The following NDUFAF7 variants were observed in gnomAD, a reference collection of about 807,000 sequenced individuals.
NDUFAF7 encodes protein arginine methyltransferase NDUFAF7, mitochondrial.
NDUFAF7 carries 48 observed loss-of-function variants against 47.2 expected under a neutral mutation model. That is an observed-to-expected ratio of 1.02 (90% CI 0.81 to 1.29). The LOEUF (loss-of-function observed/expected upper bound fraction) is 1.29. Among genes scored for constraint, NDUFAF7 ranks in the 50% most tolerant of loss-of-function variants. The probability of loss-of-function intolerance (pLI) is 0.00; values close to 1 mark genes in which losing one functional copy is unlikely to be tolerated. For missense variants in NDUFAF7, 635 were observed against 537.6 expected, an observed-to-expected ratio of 1.18 and a Z score of -1.79; for synonymous variants, 217 against 190.0, an observed-to-expected ratio of 1.14 and a Z score of -1.17.
At chr2:37,234,721 A>G (rs549101936) in intron 2 of NDUFAF7, among the ~76,000 whole-genome samples, 2 of 152,204 alleles carry the variant, frequency 1.3e-5, no homozygotes, top group East Asian at 3.9e-4. Context: ...GGACAGCTAA[A>G]AGGACTCAGG....
At chr2:37,259,792 G>C in the NDUFAF7 span, 5 of 721,760 alleles carry the variant, frequency 6.9e-6, no homozygotes, top group Admixed American at 2.6e-5. Flanking sequence ...TCAAGACTTA[G>C]CTAAAAGTGT....
chr2:37,254,507 G>T (rs904700515), downstream of NDUFAF7, among the ~76,000 whole-genome samples: 2 of 152,172 alleles, frequency 1.3e-5, no homozygotes, highest in African/African-American at 4.8e-5. Context: ...AGGCAGTATA[G>T]AGTACAGGTT....
chr2:37,267,128 T>G, the NDUFAF7 span, among the ~76,000 whole-genome samples: 6 of 152,218 alleles, frequency 3.9e-5, no homozygotes, highest in Non-Finnish European at 7.3e-5. Flanking sequence ...ATGACAAGCA[T>G]GTCACCTGTG....
downstream of NDUFAF7, chr2:37,256,654 TTTTTTACC>T: frequency 1.2e-5 from 16 of 1,377,212 alleles, no homozygotes; most frequent in South Asian, 6.7e-5. Flanking sequence ...TTTTTTTTTT[TTTTTTACC>T]TTCACCAGAA....
intron 4 of NDUFAF7, 134 bp downstream of exon 4, chr2:37,238,001 A>G: frequency 2.8e-6 from 2 of 727,240 alleles, no homozygotes; most frequent in Non-Finnish European, 4.8e-6. Context: ...ATGTCAGAAT[A>G]ATGTAATCAG....
At chr2:37,236,730 A>C (rs1240520690) in intron 3 of NDUFAF7, among the ~76,000 whole-genome samples, 1 of 151,350 alleles carries the variant, frequency 6.6e-6, no homozygotes, top group African/African-American at 2.4e-5. Flanking sequence ...GCAGTGAGCC[A>C]AGATGGCGCC....
At chr2:37,231,922 C>A (rs1665181684) in intron 1 of NDUFAF7, 162 bp downstream of exon 1, 1 of 1,591,896 alleles carries the variant, frequency 6.3e-7, no homozygotes, top group Non-Finnish European at 8.5e-7. Context: ...CGCAATAGGG[C>A]TGCGTAGTCG....
At chr2:37,255,818 C>T (rs1179492994), downstream of NDUFAF7, among the ~76,000 whole-genome samples, 1 of 152,078 alleles carries the variant, frequency 6.6e-6, no homozygotes, top group African/African-American at 2.4e-5. Context: ...CCAGCCTGGG[C>T]AACATAGTGG....
chr2:37,257,743 T>G (rs193246192), downstream of NDUFAF7, among the ~76,000 whole-genome samples: 1 of 151,754 alleles, frequency 6.6e-6, no homozygotes, highest in African/African-American at 2.4e-5. Context: ...CTAGAATCTC[T>G]TTTCCTAAGG....
At chr2:37,262,361 A>G in the NDUFAF7 span, among the ~76,000 whole-genome samples, 1 of 152,338 alleles carries the variant, frequency 6.6e-6, no homozygotes, top group Admixed American at 6.5e-5. Flanking sequence ...TCTCTGAGGC[A>G]CAGATTGTTT....
downstream of NDUFAF7, chr2:37,256,627 A>AT (rs1385820838): frequency 2.8e-4 from 350 of 1,247,310 alleles, 2 homozygotes; most frequent in African/African-American, 6.9e-3. Context: ...ACATAGCCAA[A>AT]ATTTTTTTTT....
In NDUFAF7 at chr2:37,242,692, A is replaced by G; in HGVS notation, c.680A>G (p.Gln227Arg). ...FFDVLPVHKFQKTPQGWREVF... is the reference protein window; with the variant it reads ...FFDVLPVHKFRKTPQGWREVF... ...GATGTTCTTCCTGTGCATAAATTTC[A>G]GGTATTGAGGGGGGAAAAAAGTCAT... Residue 227 changes from glutamine (Q) to arginine (R), a missense_variant and splice_region_variant, in exon 6 of 10, where the codon CAG (glutamine) becomes CGG (arginine). Gln to Arg is a conservative substitution (Grantham distance 43). Coordinates refer to ENST00000002125, the MANE Select transcript of NDUFAF7 (RefSeq NM_144736.5). 1 of 1,594,910 alleles carries G rather than the reference A, an allele frequency of 6.3e-7. No homozygotes were observed. Among genetic ancestry groups the G allele is most frequent in the Non-Finnish European group, 8.6e-7 (1 of 1,162,882 alleles).
the NDUFAF7 span, chr2:37,269,378 AAG>A: frequency 2.0e-6 from 1 of 505,912 alleles, no homozygotes; most frequent in East Asian, 3.5e-5. Flanking sequence ...GAGCTACAAG[AAG>A]AGATAAAACA....
At chr2:37,246,270 C>T in intron 8 of NDUFAF7, 75 bp downstream of exon 8, 1 of 1,491,842 alleles carries the variant, frequency 6.7e-7, no homozygotes. Flanking sequence ...GCTTTGATTT[C>T]TACAGTGCCT....
At chr2:37,231,908 C>G in intron 1 of NDUFAF7, 148 bp downstream of exon 1, 1 of 1,588,014 alleles carries the variant, frequency 6.3e-7, no homozygotes, top group African/African-American at 1.3e-5. Flanking sequence ...GGGTCCGGTA[C>G]AAACGCAATA....
In NDUFAF7 at chr2:37,248,546, A is replaced by G; in HGVS notation, c.*196A>G. On this transcript the variant is annotated 3_prime_UTR_variant, in exon 10 of 10. Transcript: ENST00000002125. ...TGGCTTTGGTGCAAATGTGTGCTCA[A>G]GCTAATAAGTTATTGTGAAACTGAG... 1 of 608,988 alleles carries G rather than the reference A, an allele frequency of 1.6e-6. No individual in the cohort carries two copies. Among genetic ancestry groups the G allele is most frequent in the Non-Finnish European group, 2.9e-6 (1 of 343,208 alleles). The allele number at this position is 608,988 out of a possible 1,614,324, so 37.7% of individuals were successfully genotyped here.
chr2:37,233,018 C>T (rs1412696266), intron 2 of NDUFAF7, among the ~76,000 whole-genome samples: 4 of 152,224 alleles, frequency 2.6e-5, no homozygotes, highest in Non-Finnish European at 4.4e-5. Flanking sequence ...ATCTTTCTTT[C>T]GATGCCGGTT....
chr2:37,256,999 A>G, downstream of NDUFAF7: 1 of 1,493,688 alleles, frequency 6.7e-7, no homozygotes, highest in Non-Finnish European at 9.2e-7. Context: ...CCCTAAATAT[A>G]ACACTGTATG....
Position 37,247,594 on chromosome 2 carries a change from T to G in NDUFAF7, c.1075T>G (p.Phe359Val). The change falls in exon 9 of 10, where the codon TTT becomes GTT. Residue 359 changes from phenylalanine (F) to valine (V), a missense_variant. Phe to Val is a conservative substitution (Grantham distance 50, BLOSUM62 -1). Coordinates refer to ENST00000002125, the MANE Select transcript of NDUFAF7 (RefSeq NM_144736.5). ...TCTGGGCCCAATAAAACAACACACA[T>G]TTTTAAAAAATATGGGTATTGATGT... Reference protein sequence around the residue: ...ASLGPIKQHTFLKNMGIDVRL... With the variant: ...ASLGPIKQHTVLKNMGIDVRL... 1.9e-6 allele frequency: 3 copies of G among 1,614,026 alleles called. No homozygotes were observed. The highest frequency in any genetic ancestry group is 2.5e-6 in the Non-Finnish European group (3 of 1,179,946).
Sources: gnomAD v4.1 joint callset for allele counts (sites outside exome capture counted in the v4.1 genomes callset) on GRCh38, gnomAD v4.1.1 for gene constraint, MANE v1.5 for transcripts, NCBI Gene and HGNC (gene_info 2026-07-23, HGNC 2026-07-21) for gene names.